The following AKT3 variants were observed in gnomAD, a reference collection of about 807,000 sequenced individuals.
The protein encoded by AKT3 is AKT serine/threonine kinase 3.
In AKT3, 15 loss-of-function variants were observed where a neutral mutation model predicts 65.3. The ratio of observed to expected loss-of-function variants is 0.23; its 90% CI spans 0.15 to 0.35. The LOEUF (loss-of-function observed/expected upper bound fraction) is 0.35. Among genes scored for constraint, AKT3 ranks in the 10% least tolerant of loss-of-function variants. AKT3 has a pLI of 1.00. For missense variants in AKT3, 243 were observed against 576.5 expected (o/e 0.42, Z 5.92); for synonymous variants, 206 against 183.8 (o/e 1.12, Z -0.98).
intron 2 of AKT3, among the ~76,000 whole-genome samples, chr1:243,784,473 T>C (rs897019149): frequency 1.3e-5 from 2 of 151,522 alleles, no homozygotes; most frequent in Non-Finnish European, 2.9e-5. Flanking sequence ...ATTTAGGTCC[T>C]AAATTGAATA....
At chr1:243,697,519 A>C (rs921983823) in intron 2 of AKT3, among the ~76,000 whole-genome samples, 4 of 152,080 alleles carry the variant, frequency 2.6e-5, no homozygotes, top group Non-Finnish European at 5.9e-5. Context: ...TTTAACAATG[A>C]ACTTTCTGTA....
At chr1:243,824,707 C>T (rs958056158) in intron 2 of AKT3, among the ~76,000 whole-genome samples, 1 of 151,770 alleles carries the variant, frequency 6.6e-6, no homozygotes, top group Non-Finnish European at 1.5e-5. Context: ...CAAGGAGATA[C>T]CACCTCACAC....
chr1:243,753,420 T>C (rs1231746272), intron 2 of AKT3, among the ~76,000 whole-genome samples: 3 of 151,632 alleles, frequency 2.0e-5, no homozygotes, highest in Admixed American at 6.6e-5. Flanking sequence ...CCCCTAAACA[T>C]AGTTTCTCAA....
At position 243,499,736 on chromosome 1, in the gene AKT3, C is replaced by T. The variant is rs753870692; in HGVS notation, c.*5513G>A. 15 of 1,601,402 alleles carry T rather than the reference C, an allele frequency of 9.4e-6. No homozygotes were observed. Among genetic ancestry groups the T allele is most frequent in the Non-Finnish European group, 1.2e-5 (14 of 1,168,684 alleles). Reference sequence around the variant, plus strand: ...GAAGAACATGAGCTATTGAAACTTACTTTTTATTATTTTTTCCAGTTACCC... The same window carrying T: ...GAAGAACATGAGCTATTGAAACTTATTTTTTATTATTTTTTCCAGTTACCC... On this transcript the variant is annotated 3_prime_UTR_variant, in exon 14 of 14. Transcript: ENST00000673466.
intron 13 of AKT3, among the ~76,000 whole-genome samples, chr1:243,510,324 T>C (rs1224684180): frequency 1.3e-5 from 2 of 152,180 alleles, no homozygotes; most frequent in East Asian, 1.9e-4. Context: ...AACTAGGAGC[T>C]TGGGCTAATA....
chr1:243,815,285 C>T (rs1199974479), intron 2 of AKT3, among the ~76,000 whole-genome samples: 1 of 152,148 alleles, frequency 6.6e-6, no homozygotes, highest in Non-Finnish European at 1.5e-5. Context: ...ATCTCCTTAG[C>T]TAGATCACTT....
rs143949494 is a variant in AKT3, at chr1:243,512,403, T to C, written c.1275A>G (p.Gln425=). The C allele has an allele frequency of 2.5e-5, 39 of 1,588,918 alleles. No individual in the cohort carries two copies. The highest frequency in any genetic ancestry group is 3.3e-5 in the Non-Finnish European group (39 of 1,165,004). ...DKKLVPPFKP[Q]VTSETDTRYF... ...ATCTAGTATCTGTCTCAGATGTTAC[T>C]TGAGGTTTAAAAGGAGGTACAAGCT... The change falls in exon 13 of 14, where the codon CAA becomes CAG. Residue 425 remains glutamine (Q), a synonymous_variant. Transcript: ENST00000673466.
At chr1:243,540,129 TACAAAG>T (rs1672210344) in intron 12 of AKT3, among the ~76,000 whole-genome samples, 1 of 152,184 alleles carries the variant, frequency 6.6e-6, no homozygotes, top group Non-Finnish European at 1.5e-5. Flanking sequence ...GTGAAAATTA[TACAAAG>T]ACATTTTAGG....
At chr1:243,513,247 G>A (rs1670136595) in intron 12 of AKT3, among the ~76,000 whole-genome samples, 1 of 152,158 alleles carries the variant, frequency 6.6e-6, no homozygotes, top group African/African-American at 2.4e-5. Context: ...GCTTCTCAGG[G>A]CTCTAGCCTT....
chr1:243,525,818 A>G (rs1574536399), intron 12 of AKT3, among the ~76,000 whole-genome samples: 1 of 8 alleles, frequency 0.12, no homozygotes, highest in Non-Finnish European at 0.25. Flanking sequence ...AGGGAGAGGG[A>G]GGGAGGGAGG....
Position 243,572,994 on chromosome 1 carries a change from A to T in AKT3, c.751T>A (p.Tyr251Asn). Residue 251 changes from tyrosine (Y) to asparagine (N), a missense_variant, in exon 9 of 14, where the codon TAT (tyrosine) becomes AAT (asparagine). This residue lies in a region of AKT3 where 61 missense variants were observed against 163.3 expected (regional missense o/e 0.37). Coordinates refer to ENST00000673466, the MANE Select transcript of AKT3 (RefSeq NM_005465.7). ...AAGGCAGAGACAATTTCTGCACCAT[A>T]GAAACGTGTGCGGTCCTCAGAGAAC... ...RVFSEDRTRF[Y>N]GAEIVSALDY... 6.2e-7 allele frequency: 1 copy of T among 1,613,528 alleles called. No homozygotes were observed. The highest frequency in any genetic ancestry group is 8.5e-7 in the Non-Finnish European group (1 of 1,179,638).
intron 2 of AKT3, among the ~76,000 whole-genome samples, chr1:243,829,724 G>T (rs1694384013): frequency 1.3e-5 from 2 of 152,156 alleles, no homozygotes; most frequent in South Asian, 2.1e-4. Context: ...TACGGTATAA[G>T]AAAGTAGAAC....
chr1:243,513,392 T>C (rs755423867), intron 12 of AKT3, among the ~76,000 whole-genome samples: 2 of 152,244 alleles, frequency 1.3e-5, no homozygotes, highest in Middle Eastern at 3.4e-3. Flanking sequence ...CTCACGGGGA[T>C]AGGAACATGG....
At chr1:243,580,005 C>A (rs188216143) in intron 8 of AKT3, among the ~76,000 whole-genome samples, 4 of 152,134 alleles carry the variant, frequency 2.6e-5, no homozygotes, top group Non-Finnish European at 5.9e-5. Context: ...GAAGAATTTT[C>A]TAAGCATAAA....
intron 13 of AKT3, chr1:243,489,182 G>C: frequency 6.2e-7 from 1 of 1,604,416 alleles, no homozygotes; most frequent in Non-Finnish European, 8.5e-7. Flanking sequence ...CCTTGGGCGG[G>C]CGTCTACAGG....
intron 2 of AKT3, among the ~76,000 whole-genome samples, chr1:243,730,171 C>T (rs750863807): frequency 2.7e-4 from 41 of 152,312 alleles, no homozygotes; most frequent in African/African-American, 7.2e-4. Context: ...CCACTCAGCA[C>T]GCACTTCCTC....
At chr1:243,684,368 T>C (rs1376601200) in intron 3 of AKT3, among the ~76,000 whole-genome samples, 1 of 152,110 alleles carries the variant, frequency 6.6e-6, no homozygotes, top group Non-Finnish European at 1.5e-5. Context: ...CCCTGTGTTC[T>C]CACTGTTCAA....
intron 10 of AKT3, among the ~76,000 whole-genome samples, chr1:243,558,384 C>G (rs142946969): frequency 6.6e-6 from 1 of 151,812 alleles, no homozygotes; most frequent in African/African-American, 2.4e-5. Context: ...TCTATTTCAG[C>G]TATTTTAAAA....
intron 3 of AKT3, among the ~76,000 whole-genome samples, chr1:243,694,612 T>TA (rs1038447928): frequency 2.0e-5 from 3 of 151,472 alleles, no homozygotes; most frequent in Non-Finnish European, 3.0e-5. Flanking sequence ...ATCTTTTTCT[T>TA]AAAAAAAATA....
Sources: allele counts gnomAD v4.1 joint callset (sites outside exome capture counted in the v4.1 genomes callset), GRCh38; gene constraint gnomAD v4.1.1; regional missense constraint gnomAD v4.1.1; transcripts MANE v1.5; gene names NCBI Gene and HGNC (gene_info 2026-07-23, HGNC 2026-07-21).